Variants in SCYL3 observed in about 807,000 individuals in gnomAD.
SCYL3 encodes the protein protein-associating with the carboxyl-terminal domain of ezrin.
In SCYL3, 35 loss-of-function variants were observed where a neutral mutation model predicts 73.8. The observed-to-expected ratio is 0.47, with a 90% CI of 0.36 to 0.63. The LOEUF is 0.63. Ranked by LOEUF, SCYL3 falls within the 20% of genes least tolerant of loss-of-function variation. The pLI is 0.00. For missense variants in SCYL3, 712 were observed against 798.9 expected, an observed-to-expected ratio of 0.89 and a Z score of 1.31; for synonymous variants, 277 against 295.2, an observed-to-expected ratio of 0.94 and a Z score of 0.63.
At chr1:169,867,974 T>C (rs1052433891) in intron 7 of SCYL3, among the ~76,000 whole-genome samples, 12 of 152,338 alleles carry the variant, frequency 7.9e-5, no homozygotes, top group African/African-American at 9.6e-5. Context: ...CAAAAGGGCA[T>C]AGAAGTACTT....
At chr1:169,855,089 A>T in intron 11 of SCYL3, 125 bp from the exon 12 acceptor site, 1 of 652,312 alleles carries the variant, frequency 1.5e-6, no homozygotes, top group South Asian at 2.1e-5. Context: ...CATGCATACT[A>T]AACAAAAGAG....
At chr1:169,892,856 A>AAT (rs1348965900) in intron 1 of SCYL3, among the ~76,000 whole-genome samples, 18 of 152,222 alleles carry the variant, frequency 1.2e-4, no homozygotes, top group African/African-American at 4.1e-4. Context: ...TTTTCCCAGC[A>AAT]ATTACTCGAG....
At chr1:169,881,011 C>G (rs996272338) in intron 2 of SCYL3, among the ~76,000 whole-genome samples, 5 of 152,214 alleles carry the variant, frequency 3.3e-5, no homozygotes, top group African/African-American at 1.2e-4. Flanking sequence ...ATCCGCCCAC[C>G]TCAGCCTCCC....
At chr1:169,886,256 A>T (rs1424761388) in intron 2 of SCYL3, among the ~76,000 whole-genome samples, 1 of 151,836 alleles carries the variant, frequency 6.6e-6, no homozygotes, top group Non-Finnish European at 1.5e-5. Flanking sequence ...GGTTGCAGTG[A>T]GCCAAGATCG....
At position 169,853,657 on chromosome 1, in the gene SCYL3, T is replaced by C; in HGVS notation, c.*56A>G. 6.3e-7 allele frequency: 1 copy of C among 1,586,186 alleles called. No individual in the cohort carries two copies. Among genetic ancestry groups the C allele is most frequent in the Non-Finnish European group, 8.6e-7 (1 of 1,159,624 alleles). On this transcript the variant is annotated 3_prime_UTR_variant, in exon 13 of 13. Transcript: ENST00000367771. ...GTCCCAAAGCCTGCTTTTGAGGTAT[T>C]GATTTTTTTTAAAAAAAGGGAATCC... is the stretch of plus-strand genomic sequence containing the variant.
At position 169,854,440 on chromosome 1, in the gene SCYL3, G is replaced by C. The variant is rs376716355; in HGVS notation, c.1837C>G (p.Pro613Ala). The C allele has an allele frequency of 9.3e-6, 15 of 1,613,914 alleles. No homozygotes were observed. Among genetic ancestry groups the C allele is most frequent in the Non-Finnish European group, 1.3e-5 (15 of 1,179,964 alleles). Reference protein sequence around the residue: ...EEFTIQVKKKPVKDPEMDWFA... With the variant: ...EEFTIQVKKKAVKDPEMDWFA... ...CAATCCATCTCAGGATCTTTTACTG[G>C]CTTCTTTTTTACTTGAATGGTGAAT... The change falls in exon 12 of 13, where the codon CCA becomes GCA. Residue 613 changes from proline to alanine, a missense_variant. Physicochemically the swap from Pro to Ala is conservative, Grantham distance 27. Coordinates refer to ENST00000367771, the MANE Select transcript of SCYL3 (RefSeq NM_020423.7).
intron 12 of SCYL3, 194 bp from the exon 13 acceptor site, chr1:169,853,966 G>T (rs1307298994): frequency 3.1e-6 from 2 of 649,656 alleles, no homozygotes; most frequent in Non-Finnish European, 5.1e-6. Flanking sequence ...CTGGAAAATA[G>T]CTTTTCAAAA....
intron 2 of SCYL3, among the ~76,000 whole-genome samples, chr1:169,881,519 G>A (rs1661257026): frequency 6.6e-6 from 1 of 152,076 alleles, no homozygotes; most frequent in African/African-American, 2.4e-5. Flanking sequence ...TCAAACACTA[G>A]ATCTTATATC....
At chr1:169,872,999 G>T (rs554725921) in intron 5 of SCYL3, among the ~76,000 whole-genome samples, 6 of 152,162 alleles carry the variant, frequency 3.9e-5, no homozygotes, top group Non-Finnish European at 8.8e-5. Flanking sequence ...AATGAGTGAA[G>T]ACTTTGGGGG....
chr1:169,873,496 T>C (rs531092908), intron 5 of SCYL3, among the ~76,000 whole-genome samples, 200 bp downstream of exon 5: 1 of 152,326 alleles, frequency 6.6e-6, no homozygotes, highest in South Asian at 2.1e-4. Flanking sequence ...AACAATATCA[T>C]AGGTGTTTAT....
intron 2 of SCYL3, among the ~76,000 whole-genome samples, chr1:169,880,425 A>C (rs931200567): frequency 1.1e-5 from 1 of 91,120 alleles, no homozygotes; most frequent in South Asian, 2.9e-4. Context: ...AACACATTAC[A>C]TGGAGGAGAA....
chr1:169,891,202 C>T (rs890482927), intron 1 of SCYL3, among the ~76,000 whole-genome samples: 16 of 152,114 alleles, frequency 1.1e-4, no homozygotes, highest in African/African-American at 3.6e-4. Flanking sequence ...CTACGGCAAA[C>T]CAAAGCCACA....
At chr1:169,855,718 A>G in intron 11 of SCYL3, 1 of 1,372,462 alleles carries the variant, frequency 7.3e-7, no homozygotes, top group Non-Finnish European at 9.9e-7. Flanking sequence ...AAAACTCCCA[A>G]AACACCCATA....
chr1:169,891,337 C>A (rs983048818), intron 1 of SCYL3, among the ~76,000 whole-genome samples: 1 of 152,168 alleles, frequency 6.6e-6, no homozygotes, highest in African/African-American at 2.4e-5. Context: ...CTACCGGAAG[C>A]CCAGCCTCAA....
At chr1:169,875,221 G>A (rs1660708918) in intron 4 of SCYL3, among the ~76,000 whole-genome samples, 1 of 152,144 alleles carries the variant, frequency 6.6e-6, no homozygotes, top group Non-Finnish European at 1.5e-5. Context: ...AAGAATAGGG[G>A]AAATTAAGCT....
Position 169,853,709 on chromosome 1 carries a change from A to T in SCYL3, c.*4T>A. On this transcript the variant is annotated 3_prime_UTR_variant, in exon 13 of 13. Coordinates refer to ENST00000367771, the MANE Select transcript of SCYL3 (RefSeq NM_020423.7). ...TTTTCCTAAAGTTTAACTCACATCT[A>T]TTGTCACCAGTTATTATCTTCCCAG... 1 of 1,613,390 alleles carries T rather than the reference A, an allele frequency of 6.2e-7. No individual in the cohort carries two copies. The highest frequency in any genetic ancestry group is 8.5e-7 in the Non-Finnish European group (1 of 1,179,648).
chr1:169,849,966 T>C lies in SCYL3; in HGVS notation c.*3747A>G. On this transcript the variant is annotated 3_prime_UTR_variant, in exon 13 of 13. Coordinates refer to ENST00000367771, the MANE Select transcript of SCYL3 (RefSeq NM_020423.7). ...GGCTGATGAACCTAAACCTGTAAGA[T>C]GGGTTGCTCCTTTACTCTTACTGCA... 2.1e-6 allele frequency: 1 copy of C among 471,334 alleles called. No homozygotes were observed. The highest frequency in any genetic ancestry group is 3.8e-6 in the Non-Finnish European group (1 of 262,980). 29.2% of individuals were successfully genotyped at this position (471,334 alleles called of 1,614,324 possible). A position where few individuals can be genotyped will look rare whatever the true frequency, so the allele number is the denominator to read the frequency against.
chr1:169,893,597 G>T (rs1009838766), intron 1 of SCYL3, among the ~76,000 whole-genome samples, 191 bp downstream of exon 1: 28 of 151,996 alleles, frequency 1.8e-4, no homozygotes, highest in Non-Finnish European at 5.9e-5. Flanking sequence ...CAATCAGCAA[G>T]GGGAGGCTGC....
chr1:169,863,835 A>G (rs1659836307), intron 9 of SCYL3, among the ~76,000 whole-genome samples: 1 of 152,212 alleles, frequency 6.6e-6, no homozygotes, highest in African/African-American at 2.4e-5. Context: ...TGAAAGCAGG[A>G]TTCTACGTAA....
Sources: gnomAD v4.1 joint callset for allele counts (sites outside exome capture counted in the v4.1 genomes callset) on GRCh38, gnomAD v4.1.1 for gene constraint, MANE v1.5 for transcripts, NCBI Gene and HGNC (gene_info 2026-07-23, HGNC 2026-07-21) for gene names.